The following PRKRIP1 variants were observed in gnomAD, a reference collection of about 807,000 sequenced individuals.
PRKRIP1 encodes the protein PRKR interacting protein 1.
A neutral mutation model predicts 29.3 loss-of-function variants in PRKRIP1; 29 were observed. The ratio of observed to expected loss-of-function variants is 0.99; its 90% CI spans 0.74 to 1.35. The LOEUF (loss-of-function observed/expected upper bound fraction) is 1.35. PRKRIP1 is among the 40% of genes most tolerant of loss of function. The pLI, the probability that PRKRIP1 is intolerant of heterozygous loss-of-function variation, is 0.00. For synonymous variants in PRKRIP1, 90 were observed against 85.1 expected (o/e 1.06, Z -0.32); for missense variants, 247 against 236.8 (o/e 1.04, Z -0.28).
intron 2 of PRKRIP1, among the ~76,000 whole-genome samples, chr7:102,398,976 G>A (rs1282491232): frequency 6.6e-6 from 1 of 152,074 alleles, no homozygotes; most frequent in African/African-American, 2.4e-5. Flanking sequence ...GTAAAAATTA[G>A]CCAGGCATAG....
At chr7:102,422,498 C>T (rs1424535068) in intron 5 of PRKRIP1, among the ~76,000 whole-genome samples, 1 of 152,108 alleles carries the variant, frequency 6.6e-6, no homozygotes, top group African/African-American at 2.4e-5. Flanking sequence ...TGCACCACCA[C>T]GCCCAGCTAA....
In PRKRIP1 at chr7:102,399,627, C is replaced by T. The variant is rs1554570947; in HGVS notation, c.285C>T (p.Tyr95=). 6.2e-7 allele frequency: 1 copy of T among 1,613,762 alleles called. No homozygotes were observed. Among genetic ancestry groups the T allele is most frequent in the Non-Finnish European group, 8.5e-7 (1 of 1,179,698 alleles). The part of the protein sequence containing the change: ...LRRREYQRQD[Y]MDAMAEKQKL... ...GGAGAGAATATCAGCGACAGGACTA[C>T]ATGGATGCCATGGCTGAGAAGGTCA... The change falls in exon 3 of 6, where the codon TAC becomes TAT. Residue 95 remains tyrosine, a synonymous_variant. Transcript: ENST00000397912.
intron 5 of PRKRIP1, among the ~76,000 whole-genome samples, chr7:102,418,743 C>T (rs1453083160): frequency 1.3e-5 from 2 of 152,162 alleles, no homozygotes; most frequent in Non-Finnish European, 2.9e-5. Flanking sequence ...TACCGTTACC[C>T]TGGGGGAAGC....
intron 5 of PRKRIP1, among the ~76,000 whole-genome samples, chr7:102,408,534 T>C (rs925576085): frequency 7.2e-5 from 11 of 152,132 alleles, no homozygotes; most frequent in Admixed American, 3.9e-4. Context: ...TGGGAACTCA[T>C]GGGCTGTGAA....
In PRKRIP1 at chr7:102,399,595, C is replaced by G; in HGVS notation, c.253C>G (p.Leu85Val). ...TGGAGAGTTCCACGTGTACAGACATCTGCGCCGGAGAGAATATCAGCGACA... is the reference window on the plus strand; with the variant it reads ...TGGAGAGTTCCACGTGTACAGACATGTGCGCCGGAGAGAATATCAGCGACA... ...GSGEFHVYRH[L>V]RRREYQRQDY... Residue 85 changes from leucine (L) to valine (V), a missense_variant, in exon 3 of 6, where the codon CTG becomes GTG. Coordinates refer to ENST00000397912, the MANE Select transcript of PRKRIP1 (RefSeq NM_024653.4). The G allele has an allele frequency of 6.2e-7, 1 of 1,614,148 alleles. No homozygotes were observed.
intron 3 of PRKRIP1, among the ~76,000 whole-genome samples, chr7:102,401,617 C>G (rs1196117763): frequency 6.6e-6 from 1 of 152,218 alleles, no homozygotes; most frequent in Non-Finnish European, 1.5e-5. Context: ...CCTATAATCC[C>G]AGCTACTCGG....
At chr7:102,406,396 G>A (rs1305137408) in intron 4 of PRKRIP1, among the ~76,000 whole-genome samples, 1 of 152,156 alleles carries the variant, frequency 6.6e-6, no homozygotes, top group African/African-American at 2.4e-5. Context: ...CAATCTGATC[G>A]AGAAATGGTT....
At position 102,399,535 on chromosome 7, in the gene PRKRIP1, G is replaced by C. The variant is rs782516712; in HGVS notation, c.206-13G>C. The C allele has an allele frequency of 6.8e-6, 11 of 1,610,164 alleles. No homozygotes were observed. The highest frequency in any genetic ancestry group is 8.5e-6 in the Non-Finnish European group (10 of 1,176,434). On this transcript the variant is annotated splice_polypyrimidine_tract_variant and intron_variant, in intron 2 of 5. Coordinates refer to ENST00000397912, the MANE Select transcript of PRKRIP1 (RefSeq NM_024653.4). ...TGAATTTCATCTAGAACTGTGGACT[G>C]TTCTGGCTACAGGTTCAAGTGCTGG...
At chr7:102,399,448 C>T (rs185820947) in intron 2 of PRKRIP1, 100 bp from the exon 3 acceptor site, 3 of 900,728 alleles carry the variant, frequency 3.3e-6, no homozygotes, top group African/African-American at 3.2e-5. Flanking sequence ...ATGGTCCCTT[C>T]CACGACTTCC....
intron 5 of PRKRIP1, among the ~76,000 whole-genome samples, chr7:102,418,577 A>T (rs1796612667): frequency 6.6e-6 from 1 of 152,130 alleles, no homozygotes; most frequent in African/African-American, 2.4e-5. Context: ...GATGTCTCCA[A>T]GTCTAGCCCA....
rs781869073 is a variant in PRKRIP1, at chr7:102,396,465, G to A, written c.54G>A (p.Pro18=). The change falls in exon 1 of 6, where the codon CCG becomes CCA. Residue 18 remains proline (P), a synonymous_variant. Coordinates refer to ENST00000397912, the MANE Select transcript of PRKRIP1 (RefSeq NM_024653.4). ...GACCACCGAGGCCCAAGAAAGAGCC[G>A]CAGACGCTCGTCATCCCCAAGAATG... ...SVRPPRPKKE[P]QTLVIPKNAA... The A allele has an allele frequency of 1.1e-5, 17 of 1,608,710 alleles. No individual in the cohort carries two copies. Among genetic ancestry groups the A allele is most frequent in the Non-Finnish European group, 1.4e-5 (17 of 1,178,634 alleles).
chr7:102,397,555 A>G, intron 1 of PRKRIP1, 65 bp from the exon 2 acceptor site: 1 of 1,299,776 alleles, frequency 7.7e-7, no homozygotes, highest in Non-Finnish European at 1.1e-6. Flanking sequence ...CTAAAAAAAG[A>G]GAGGGAGATA....
chr7:102,419,349 G>C (rs551902497), intron 5 of PRKRIP1, among the ~76,000 whole-genome samples: 1 of 152,102 alleles, frequency 6.6e-6, no homozygotes, highest in African/African-American at 2.4e-5. Flanking sequence ...TGGAGGTGGA[G>C]GTTGCTGTGA....
At chr7:102,399,207 A>C (rs932551840) in intron 2 of PRKRIP1, among the ~76,000 whole-genome samples, 6 of 152,246 alleles carry the variant, frequency 3.9e-5, no homozygotes, top group Non-Finnish European at 7.3e-5. Flanking sequence ...CCTTTATTTC[A>C]TTTAATGTAT....
At chr7:102,400,196 G>T (rs530850195) in intron 3 of PRKRIP1, among the ~76,000 whole-genome samples, 13 of 152,046 alleles carry the variant, frequency 8.6e-5, no homozygotes, top group African/African-American at 2.9e-4. Context: ...TGTAGTCCCA[G>T]CTACTTAGGA....
chr7:102,396,570 G>T (rs1554570396), intron 1 of PRKRIP1, 33 bp downstream of exon 1: 3 of 1,594,764 alleles, frequency 1.9e-6, no homozygotes, highest in Non-Finnish European at 2.6e-6. Context: ...CGGCCCGTCC[G>T]AGGCCCACCC....
chr7:102,397,706 CTGTGTGTG>C lies in PRKRIP1; in HGVS notation c.205+32_205+39del, dbSNP rs34218257. On this transcript the variant is annotated intron_variant, in intron 2 of 5. Coordinates refer to ENST00000397912, the MANE Select transcript of PRKRIP1 (RefSeq NM_024653.4). ...TTGTCCGAGATGTCATGGGTAATGGCTGTGTGTGTGTGTGTGTGTGTGTGTGTGTGTAA... is the reference window on the plus strand; with the variant it reads ...TTGTCCGAGATGTCATGGGTAATGGCTGTGTGTGTGTGTGTGTGTGTGTAA... The C allele has an allele frequency of 2.0e-3, 2,604 of 1,316,612 alleles. 5 individuals are homozygous for C. Among genetic ancestry groups the C allele is most frequent in the African/African-American group, 3.6e-3 (245 of 68,702 alleles). 81.6% of individuals were successfully genotyped at this position (1,316,612 alleles called of 1,614,324 possible).
intron 5 of PRKRIP1, 107 bp downstream of exon 5, chr7:102,407,605 C>T (rs894147943): frequency 5.0e-6 from 4 of 802,650 alleles, no homozygotes; most frequent in Non-Finnish European, 8.4e-6. Flanking sequence ...GGTTGGCTGG[C>T]CACTGAAGAA....
rs536141083 is a variant in PRKRIP1 at position 102,421,534 on chromosome 7, C to G, written c.458-3480C>G. Among the ~76,000 whole-genome samples, 462 of 152,228 alleles carry G rather than the reference C, an allele frequency of 3.0e-3. 1 individual carries two copies. The highest frequency in any genetic ancestry group is 7.9e-3 in the African/African-American group (329 of 41,544). Reference sequence around the variant, plus strand: ...AAAAAAAAGGCCGGGTGTGGTGGTTCACGCCTGTAATCCCAGCACTTTGGG... The same window carrying G: ...AAAAAAAAGGCCGGGTGTGGTGGTTGACGCCTGTAATCCCAGCACTTTGGG... On this transcript the variant is annotated intron_variant, in intron 5 of 5. Coordinates refer to ENST00000397912, the MANE Select transcript of PRKRIP1 (RefSeq NM_024653.4).
Sources: gnomAD v4.1 joint callset for allele counts (sites outside exome capture counted in the v4.1 genomes callset) on GRCh38, gnomAD v4.1.1 for gene constraint, MANE v1.5 for transcripts, NCBI Gene and HGNC (gene_info 2026-07-23, HGNC 2026-07-21) for gene names.